MTFR2: variants seen among roughly 807,000 people sequenced by gnomAD.
MTFR2 encodes DUF729 domain-containing protein 1.
MTFR2 carries 44 observed loss-of-function variants against 41.2 expected under a neutral mutation model. The ratio of observed to expected loss-of-function variants is 1.07; its 90% CI spans 0.84 to 1.37. The LOEUF (loss-of-function observed/expected upper bound fraction) is 1.37, where lower values mean the gene tolerates loss of function less well. MTFR2 is among the 40% of genes most tolerant of loss of function. The pLI is 0.00. For synonymous variants in MTFR2, 141 were observed against 154.6 expected (o/e 0.91, Z 0.65); for missense variants, 452 against 459.5 (o/e 0.98, Z 0.15).
intron 3 of MTFR2, among the ~76,000 whole-genome samples, chr6:136,244,163 T>C (rs1461827662): frequency 6.6e-6 from 1 of 152,216 alleles, no homozygotes; most frequent in Admixed American, 6.5e-5. Context: ...AAATTTAGTG[T>C]AGCCTAAGTG....
chr6:136,241,825 T>C, intron 4 of MTFR2, 149 bp from the exon 5 acceptor site: 3 of 654,882 alleles, frequency 4.6e-6, no homozygotes, highest in Non-Finnish European at 7.7e-6. Context: ...ACACCTGTAA[T>C]CCCAACACTT....
intron 2 of MTFR2, 155 bp downstream of exon 2, chr6:136,248,882 A>T: frequency 4.8e-6 from 3 of 620,192 alleles, no homozygotes; most frequent in Non-Finnish European, 8.2e-6. Context: ...TTCTAACTCA[A>T]ATCATCAAAG....
At chr6:136,234,817 A>G (rs1779861606) in intron 6 of MTFR2, among the ~76,000 whole-genome samples, 1 of 152,254 alleles carries the variant, frequency 6.6e-6, no homozygotes, top group South Asian at 2.1e-4. Flanking sequence ...GGAGGTCAAG[A>G]GGTCCACAGA....
chr6:136,236,473 A>G (rs1272001231), intron 6 of MTFR2, among the ~76,000 whole-genome samples: 1 of 152,190 alleles, frequency 6.6e-6, no homozygotes, highest in East Asian at 1.9e-4. Context: ...AACTCAGGAG[A>G]GAATAGGGGG....
At chr6:136,246,115 T>A (rs1323372243) in intron 2 of MTFR2, among the ~76,000 whole-genome samples, 1 of 152,246 alleles carries the variant, frequency 6.6e-6, no homozygotes, top group Admixed American at 6.5e-5. Flanking sequence ...CCATGACGGC[T>A]ACCTATGACA....
At chr6:136,240,901 C>G (rs370202374) in intron 5 of MTFR2, among the ~76,000 whole-genome samples, 5 of 152,116 alleles carry the variant, frequency 3.3e-5, no homozygotes, top group Admixed American at 6.5e-5. Flanking sequence ...ACCATCCTGG[C>G]TAACACGGTG....
intron 4 of MTFR2, 46 bp downstream of exon 4, chr6:136,242,815 G>A (rs905997503): frequency 6.9e-7 from 1 of 1,444,430 alleles, no homozygotes; most frequent in Non-Finnish European, 9.6e-7. Flanking sequence ...ACACATGCAA[G>A]AATTCAGTTT....
intron 7 of MTFR2, among the ~76,000 whole-genome samples, chr6:136,231,669 T>TAAAAAAAAAAAAAAAAAAAAAAAAA (rs71006791): frequency 3.6e-5 from 3 of 82,932 alleles, no homozygotes; most frequent in African/African-American, 1.4e-4. Context: ...AAAAACTATG[T>TAAAAAAAAAAAAAAAAAAAAAAAAA]AAAAAAAAAA....
intron 6 of MTFR2, among the ~76,000 whole-genome samples, chr6:136,234,560 G>T (rs1317609966): frequency 1.3e-5 from 2 of 152,178 alleles, no homozygotes; most frequent in Admixed American, 6.5e-5. Context: ...GGGCATAGGA[G>T]AGGAGCTCAG....
intron 6 of MTFR2, among the ~76,000 whole-genome samples, chr6:136,236,611 A>G (rs1779913203): frequency 6.6e-6 from 1 of 152,114 alleles, no homozygotes. Flanking sequence ...ATGCACCTAC[A>G]GCCATGAGAT....
In MTFR2 at chr6:136,243,563, C is replaced by T. The variant is rs369205679; in HGVS notation, c.169-590G>A. Among the ~76,000 whole-genome samples, 40 of 152,042 alleles carry T rather than the reference C, an allele frequency of 2.6e-4. 2 individuals carry two copies. Among genetic ancestry groups the T allele is most frequent in the East Asian group, 5.8e-4 (3 of 5,158 alleles). ...CTCTACCAGACCAAAAAAAAGTCAGCCAGGTGTGGTGGTGCACACCTCCCA... is the reference window on the plus strand; with the variant it reads ...CTCTACCAGACCAAAAAAAAGTCAGTCAGGTGTGGTGGTGCACACCTCCCA... On this transcript the variant is annotated intron_variant, in intron 3 of 7. Coordinates refer to ENST00000420702, the MANE Select transcript of MTFR2 (RefSeq NM_001099286.3).
intron 6 of MTFR2, among the ~76,000 whole-genome samples, chr6:136,233,880 ATTTG>A (rs1297183532): frequency 6.6e-6 from 1 of 152,058 alleles, no homozygotes; most frequent in African/African-American, 2.4e-5. Context: ...CAAATTGTTC[ATTTG>A]TTTGGTTGTT....
intron 6 of MTFR2, among the ~76,000 whole-genome samples, chr6:136,234,867 G>C (rs951001154): frequency 5.9e-5 from 9 of 152,114 alleles, no homozygotes; most frequent in African/African-American, 2.2e-4. Context: ...GAGATAGAAT[G>C]GAAAATAAAG....
intron 6 of MTFR2, among the ~76,000 whole-genome samples, chr6:136,237,849 A>G (rs961637545): frequency 2.6e-5 from 4 of 152,112 alleles, no homozygotes; most frequent in African/African-American, 9.7e-5. Flanking sequence ...ATTTTTGGAC[A>G]TGCAAAGTAG....
At chr6:136,235,298 G>C (rs1219943151) in intron 6 of MTFR2, among the ~76,000 whole-genome samples, 1 of 152,222 alleles carries the variant, frequency 6.6e-6, no homozygotes, top group Non-Finnish European at 1.5e-5. Flanking sequence ...AGGTAGGAAG[G>C]AAAAGTCCTG....
intron 3 of MTFR2, among the ~76,000 whole-genome samples, chr6:136,243,795 T>C (rs1292772100): frequency 6.6e-6 from 1 of 151,982 alleles, no homozygotes; most frequent in Non-Finnish European, 1.5e-5. Flanking sequence ...GTATTGTTAT[T>C]ATAGGAGATG....
chr6:136,243,541 T>C (rs1023623522), intron 3 of MTFR2, among the ~76,000 whole-genome samples: 5 of 151,836 alleles, frequency 3.3e-5, no homozygotes, highest in African/African-American at 1.2e-4. Flanking sequence ...ATCCCGTCTC[T>C]ACCAGACCAA....
chr6:136,249,689 G>A (rs769688852), intron 1 of MTFR2, among the ~76,000 whole-genome samples: 11 of 152,206 alleles, frequency 7.2e-5, no homozygotes, highest in Non-Finnish European at 1.3e-4. Flanking sequence ...CATGAGATGT[G>A]ATGGTTTTAT....
At chr6:136,247,674 C>T in intron 2 of MTFR2, 1 of 398,850 alleles carries the variant, frequency 2.5e-6, no homozygotes, top group Non-Finnish European at 4.9e-6. Flanking sequence ...CACCTCCCTT[C>T]CTGATATTCT....
Sources: gnomAD v4.1 joint callset for allele counts (sites outside exome capture counted in the v4.1 genomes callset) on GRCh38, gnomAD v4.1.1 for gene constraint, MANE v1.5 for transcripts, NCBI Gene and HGNC (gene_info 2026-07-23, HGNC 2026-07-21) for gene names.